RNF19A: variants seen among roughly 807,000 people sequenced by gnomAD.
RNF19A encodes the protein E3 ubiquitin-protein ligase RNF19A.
A neutral mutation model predicts 75.7 loss-of-function variants in RNF19A; 32 were observed. The observed-to-expected ratio is 0.42, with a 90% CI of 0.32 to 0.57. The LOEUF (loss-of-function observed/expected upper bound fraction) is 0.57, where lower values mean the gene tolerates loss of function less well. Ranked by LOEUF, RNF19A falls within the 20% of genes least tolerant of loss-of-function variation. RNF19A has a pLI of 0.10. For missense variants in RNF19A, 782 were observed against 1,036.3 expected (o/e 0.75, Z 3.37); for synonymous variants, 335 against 345.2 (o/e 0.97, Z 0.33).
At position 100,288,245 on chromosome 8, in the gene RNF19A, AG is replaced by A. The variant is rs1246536411; in HGVS notation, c.-72del. 2.7e-6 allele frequency: 4 copies of A among 1,463,220 alleles called. No individual in the cohort carries two copies. The highest frequency in any genetic ancestry group is 3.6e-6 in the Non-Finnish European group (4 of 1,110,420). 90.6% of individuals were successfully genotyped at this position (1,463,220 alleles called of 1,614,324 possible). A position where few individuals can be genotyped will look rare whatever the true frequency, so the allele number is the denominator to read the frequency against. On this transcript the variant is annotated 5_prime_UTR_variant, in exon 2 of 10. It removes the in-frame stop codon of an upstream open reading frame in the 5' UTR. Coordinates refer to ENST00000341084, the MANE Select transcript of RNF19A (RefSeq NM_183419.4). ...AGAATTCTTGAAAAGTTCGATTTAC[AG>A]AAGACTGCTATCATGGATGTTCTGA...
At chr8:100,270,511 TTTC>T (rs1185852404) in intron 3 of RNF19A, among the ~76,000 whole-genome samples, 1 of 152,248 alleles carries the variant, frequency 6.6e-6, no homozygotes, top group South Asian at 2.1e-4. Flanking sequence ...TATGAATTTA[TTTC>T]TTCTAATTAC....
rs142104760 is a variant in RNF19A, at chr8:100,259,932, C to T, written c.1748G>A (p.Ser583Asn). ...GGCATTATCACTAACTGTTCCCAAG[C>T]TGACTGTGCCAGATTCTCCACTTAG... ...YSLSGESGTVSLGTVSDNAST... is the reference protein window; with the variant it reads ...YSLSGESGTVNLGTVSDNAST... The change falls in exon 9 of 10, where the codon AGC (serine) becomes AAC (asparagine). Residue 583 changes from serine to asparagine, a missense_variant. Ser to Asn is a conservative substitution (Grantham distance 46, BLOSUM62 1). Around this residue, in one of 7 missense-constraint regions of RNF19A, gnomAD observed 442 missense variants for 541.6 expected, o/e 0.82. Coordinates refer to ENST00000341084, the MANE Select transcript of RNF19A (RefSeq NM_183419.4). This position sits in a 1 kb window ranked among gnomAD's most constrained non-coding sequence, Gnocchi z 4.5. 6.2e-7 allele frequency: 1 copy of T among 1,613,940 alleles called. No homozygotes were observed. The highest frequency in any genetic ancestry group is 8.5e-7 in the Non-Finnish European group (1 of 1,179,846).
chr8:100,279,238 A>C (rs1037416451), intron 2 of RNF19A, among the ~76,000 whole-genome samples: 2 of 152,214 alleles, frequency 1.3e-5, no homozygotes, highest in African/African-American at 4.8e-5. Flanking sequence ...GAATTTTTAA[A>C]ATACACAGTA....
rs2132507175 is a variant in RNF19A, at chr8:100,264,904, CTTA to C, written c.1192-122_1192-120del. ...TTCATAGAAGTTCGTAGCTGAGTATCTTAGTTCAAGGTAAACCTACTAGTGTCC... is the reference window on the plus strand; with the variant it reads ...TTCATAGAAGTTCGTAGCTGAGTATCGTTCAAGGTAAACCTACTAGTGTCC... On this transcript the variant is annotated intron_variant, in intron 5 of 9. Transcript: ENST00000341084. This position sits in a 1 kb window ranked among gnomAD's most constrained non-coding sequence, Gnocchi z 4.7. 1.4e-6 allele frequency: 1 copy of C among 719,380 alleles called. No homozygotes were observed. Among genetic ancestry groups the C allele is most frequent in the South Asian group, 1.7e-5 (1 of 57,328 alleles). 44.6% of individuals were successfully genotyped at this position (719,380 alleles called of 1,614,324 possible). A position where few individuals can be genotyped will look rare whatever the true frequency, so the allele number is the denominator to read the frequency against.
At chr8:100,290,348 C>T (rs571310005) in intron 1 of RNF19A, among the ~76,000 whole-genome samples, 4 of 152,292 alleles carry the variant, frequency 2.6e-5, no homozygotes, top group South Asian at 2.1e-4. Context: ...GTGATCCGCC[C>T]GCCTTGGCCT....
At chr8:100,301,221 A>G (rs893568452) in intron 1 of RNF19A, among the ~76,000 whole-genome samples, 2 of 152,218 alleles carry the variant, frequency 1.3e-5, no homozygotes, top group Non-Finnish European at 2.9e-5. Context: ...CCTTCACCAC[A>G]GAAAGTTCTA....
At position 100,324,012 on chromosome 8, in the gene RNF19A, T is replaced by C. The variant is rs138812511; in HGVS notation, c.-242-10640A>G. Among the ~76,000 whole-genome samples, 63 of 152,316 alleles carry C rather than the reference T, an allele frequency of 4.1e-4. 1 individual carries two copies. The East Asian group carries it at 9.3e-3, about 22-fold the overall frequency. On this transcript the variant is annotated intron_variant, in intron 1 of 3. Transcript: ENST00000519527. The surrounding 1 kb of genome is among the most constrained non-coding windows in gnomAD (Gnocchi z 4.2). ...TTGTTTCTAAGGGTTTAGTATCCTG[T>C]GATAAAAGCAAAACTTTGTACAATG...
At chr8:100,273,065 C>T (rs1820335780) in intron 3 of RNF19A, among the ~76,000 whole-genome samples, 2 of 151,576 alleles carry the variant, frequency 1.3e-5, no homozygotes, top group Admixed American at 1.3e-4. Flanking sequence ...AGGAGTCTCG[C>T]CACATTGCCT....
intron 7 of RNF19A, among the ~76,000 whole-genome samples, chr8:100,263,091 T>A (rs544148909): frequency 6.6e-6 from 1 of 152,144 alleles, no homozygotes; most frequent in Admixed American, 6.5e-5. Flanking sequence ...ACATGCAAGT[T>A]TGAAGTTCAG....
chr8:100,327,252 T>TA, intron 1 of RNF19A, among the ~76,000 whole-genome samples: 1 of 135,844 alleles, frequency 7.4e-6, no homozygotes, highest in African/African-American at 2.8e-5. Context: ...CTTCTTTTTT[T>TA]TTTTTTTTTT....
chr8:100,294,173 T>A (rs62514974), intron 1 of RNF19A, among the ~76,000 whole-genome samples: 26,378 of 152,154 alleles, frequency 0.17, 2,443 homozygotes, highest in Middle Eastern at 0.22. Flanking sequence ...CTGGATATTG[T>A]GGATATCTTA....
At chr8:100,319,799 G>T (rs561968902) in intron 1 of RNF19A, among the ~76,000 whole-genome samples, 2 of 150,596 alleles carry the variant, frequency 1.3e-5, no homozygotes, top group Non-Finnish European at 3.0e-5. Context: ...CAAAGTGCTG[G>T]GATTACAGGC....
At position 100,258,852 on chromosome 8, in the gene RNF19A, T is replaced by G; in HGVS notation, c.2221A>C (p.Thr741Pro). Residue 741 changes from threonine to proline, a missense_variant, in exon 10 of 10, where the codon ACT becomes CCT. Physicochemically the swap from Thr to Pro is conservative, Grantham distance 38. Transcript: ENST00000341084. This position sits in a 1 kb window ranked among gnomAD's most constrained non-coding sequence, Gnocchi z 4.3. ...FSCSDLESMK[T>P]SCSHGSSDYH... ...TCACTGGAACCATGACTACAAGAAGTTTTCATGCTTTCTAGGTCAGAACAA... is the reference window on the plus strand; with the variant it reads ...TCACTGGAACCATGACTACAAGAAGGTTTCATGCTTTCTAGGTCAGAACAA... 1 of 1,614,016 alleles carries G rather than the reference T, an allele frequency of 6.2e-7. No homozygotes were observed.
At chr8:100,291,837 A>G (rs1009032301) in intron 1 of RNF19A, among the ~76,000 whole-genome samples, 1 of 152,300 alleles carries the variant, frequency 6.6e-6, no homozygotes, top group African/African-American at 2.4e-5. Context: ...CAGTGTACCT[A>G]TGTCTTCTAA....
chr8:100,327,060 T>C (rs1182305001), intron 1 of RNF19A, among the ~76,000 whole-genome samples: 1 of 151,852 alleles, frequency 6.6e-6, no homozygotes, highest in Non-Finnish European at 1.5e-5. Flanking sequence ...GTGGATTGTC[T>C]TCCAGGTACT....
At chr8:100,273,827 G>A (rs555902655) in intron 3 of RNF19A, among the ~76,000 whole-genome samples, 2 of 152,136 alleles carry the variant, frequency 1.3e-5, no homozygotes, top group South Asian at 2.1e-4. Context: ...CTGTCATCCA[G>A]GCTGGAGGGC....
chr8:100,318,393 A>C (rs564299773), intron 1 of RNF19A, among the ~76,000 whole-genome samples: 14 of 152,338 alleles, frequency 9.2e-5, no homozygotes, highest in African/African-American at 3.4e-4. Flanking sequence ...CTGCCTTCAG[A>C]TTGAATTTTT....
At chr8:100,296,256 C>G (rs1330439411) in intron 1 of RNF19A, among the ~76,000 whole-genome samples, 1 of 152,114 alleles carries the variant, frequency 6.6e-6, no homozygotes, top group Non-Finnish European at 1.5e-5. Flanking sequence ...AGGCACGTGC[C>G]ACCATGCCTG....
chr8:100,276,723 C>CAAAAAA (rs60419107), intron 2 of RNF19A, among the ~76,000 whole-genome samples: 2 of 80,588 alleles, frequency 2.5e-5, no homozygotes, highest in Non-Finnish European at 2.8e-5. Flanking sequence ...ACCACTGTAC[C>CAAAAAA]AAAAAAAAAA....
Sources: allele counts gnomAD v4.1 joint callset (sites outside exome capture counted in the v4.1 genomes callset), GRCh38; gene constraint gnomAD v4.1.1; regional missense constraint gnomAD v4.1.1; non-coding constraint Gnocchi (gnomAD v3.1); transcripts MANE v1.5; gene names NCBI Gene and HGNC (gene_info 2026-07-23, HGNC 2026-07-21).